VWA2: variants seen among roughly 807,000 people sequenced by gnomAD.
VWA2 encodes von Willebrand factor A domain-containing protein 2.
VWA2 carries 73 observed loss-of-function variants against 70.4 expected under a neutral mutation model. The ratio of observed to expected loss-of-function variants is 1.04; its 90% CI spans 0.86 to 1.26. The LOEUF is 1.26. VWA2 is among the 50% of genes most tolerant of loss of function. The pLI, the probability that VWA2 is intolerant of heterozygous loss-of-function variation, is 0.00. For synonymous variants in VWA2, 407 were observed against 423.3 expected (o/e 0.96, Z 0.47); for missense variants, 1,011 against 998.5 (o/e 1.01, Z -0.17).
chr10:114,275,050 C>G (rs1189797898), intron 6 of VWA2, among the ~76,000 whole-genome samples: 5 of 152,134 alleles, frequency 3.3e-5, no homozygotes, highest in African/African-American at 9.6e-5. Flanking sequence ...GAATCTGGAG[C>G]ATGGAGGAGG....
At chr10:114,279,079 C>T (rs1406245518) in intron 8 of VWA2, among the ~76,000 whole-genome samples, 1 of 152,156 alleles carries the variant, frequency 6.6e-6, no homozygotes, top group Non-Finnish European at 1.5e-5. Context: ...GCACTGGTGG[C>T]AGGGTCACAG....
intron 1 of VWA2, chr10:114,246,537 G>T: frequency 2.4e-6 from 2 of 819,152 alleles, no homozygotes; most frequent in Admixed American, 2.4e-5. Flanking sequence ...GAGTATCATG[G>T]GTTGAATTCA....
intron 5 of VWA2, among the ~76,000 whole-genome samples, chr10:114,266,491 G>A (rs915830869): frequency 1.3e-5 from 2 of 152,154 alleles, no homozygotes; most frequent in Admixed American, 1.3e-4. Flanking sequence ...CAGGACACTT[G>A]CCTTTCCAGA....
chr10:114,256,766 CG>C (rs1221184459), intron 4 of VWA2, among the ~76,000 whole-genome samples: 2 of 151,728 alleles, frequency 1.3e-5, no homozygotes, highest in Non-Finnish European at 1.5e-5. Context: ...AAAAATTAGC[CG>C]GGCATGGTGG....
rs768024904 is a variant in VWA2 at position 114,286,076 on chromosome 10, C to T, written c.1135C>T (p.Arg379Trp). ...GCGGGCCGTGCTGAGCGAGGACTCT[C>T]GGGCCCGAGTGGGTGTGGCCACATA... ...FVRAVLSEDS[R>W]ARVGVATYSR... Residue 379 changes from arginine (R) to tryptophan (W), a missense_variant, in exon 11 of 14, where the codon CGG (arginine) becomes TGG (tryptophan). Physicochemically the swap from Arg to Trp is moderately radical, Grantham distance 101. Coordinates refer to ENST00000392982, the MANE Select transcript of VWA2 (RefSeq NM_001272046.2). The T allele has an allele frequency of 1.2e-5, 19 of 1,614,138 alleles. No individual in the cohort carries two copies. The highest frequency in any genetic ancestry group is 2.2e-5 in the South Asian group (2 of 91,082).
At chr10:114,242,626 G>A (rs1183030037) in intron 1 of VWA2, among the ~76,000 whole-genome samples, 1 of 152,140 alleles carries the variant, frequency 6.6e-6, no homozygotes, top group African/African-American at 2.4e-5. Context: ...GTGTACCAGT[G>A]CATCTGTGTA....
Position 114,278,194 on chromosome 10 carries a change from T to C in VWA2, c.700+147T>C, listed in dbSNP as rs537698845. On this transcript the variant is annotated intron_variant, in intron 7 of 13. Transcript: ENST00000392982. ...CCGGCAGCCTCCACCCTGGATGCTCTGCGTCTCCCTGTGCCCTGCCCTGTG... is the reference window on the plus strand; with the variant it reads ...CCGGCAGCCTCCACCCTGGATGCTCCGCGTCTCCCTGTGCCCTGCCCTGTG... 5.1e-6 allele frequency: 6 copies of C among 1,177,592 alleles called. No homozygotes were observed. The East Asian group carries it at 1.3e-4, about 25-fold the overall frequency. The allele number at this position is 1,177,592 out of a possible 1,614,324, so 72.9% of individuals were successfully genotyped here. A position where few individuals can be genotyped will look rare whatever the true frequency, so the allele number is the denominator to read the frequency against.
At chr10:114,259,376 TGAG>T (rs1167301097) in intron 4 of VWA2, among the ~76,000 whole-genome samples, 1 of 152,152 alleles carries the variant, frequency 6.6e-6, no homozygotes, top group Non-Finnish European at 1.5e-5. Context: ...TTTTATATAT[TGAG>T]GAGGCTAACC....
chr10:114,285,665 G>C (rs1352675512), intron 10 of VWA2, among the ~76,000 whole-genome samples: 1 of 152,214 alleles, frequency 6.6e-6, no homozygotes, highest in Non-Finnish European at 1.5e-5. Context: ...AGATTTCTCA[G>C]GACACACACA....
chr10:114,268,815 C>T (rs1311458890), intron 5 of VWA2, among the ~76,000 whole-genome samples: 2 of 152,064 alleles, frequency 1.3e-5, no homozygotes, highest in Non-Finnish European at 2.9e-5. Context: ...CTGCCTCAGC[C>T]TCCCGAGTAG....
At position 114,285,999 on chromosome 10, in the gene VWA2, G is replaced by C; in HGVS notation, c.1058G>C (p.Gly353Ala). The change falls in exon 11 of 14, where the codon GGC (glycine) becomes GCC (alanine). Residue 353 changes from glycine (G) to alanine (A), a missense_variant. Physicochemically the swap from Gly to Ala is moderately conservative, Grantham distance 60. Transcript: ENST00000392982. ...CTCTTCCTGCTGGACAGCTCTGCGG[G>C]CACCACTCTGGACGGCTTCCTGCGG... ...DLLFLLDSSAGTTLDGFLRAK... is the reference protein window; with the variant it reads ...DLLFLLDSSAATTLDGFLRAK... 6.2e-7 allele frequency: 1 copy of C among 1,613,860 alleles called. No individual in the cohort carries two copies. The highest frequency in any genetic ancestry group is 1.3e-5 in the African/African-American group (1 of 75,070).
At chr10:114,258,386 C>A (rs963295277) in intron 4 of VWA2, among the ~76,000 whole-genome samples, 10 of 152,148 alleles carry the variant, frequency 6.6e-5, no homozygotes, top group Admixed American at 3.9e-4. Flanking sequence ...CACTTAAAAG[C>A]TGAGAGGTTC....
chr10:114,279,119 G>C (rs1432005051), intron 8 of VWA2, among the ~76,000 whole-genome samples: 1 of 152,198 alleles, frequency 6.6e-6, no homozygotes, highest in Non-Finnish European at 1.5e-5. Flanking sequence ...AGTGAGCCAA[G>C]TGCTGGCCCT....
rs759588905 is a variant in VWA2, at chr10:114,249,918, C to T, written c.52+1153C>T. 6.5e-4 allele frequency among the ~76,000 whole-genome samples: 99 copies of T among 152,178 alleles called. 1 individual carries two copies. Among genetic ancestry groups the T allele is most frequent in the Non-Finnish European group, 5.4e-4 (37 of 68,040 alleles). ...CTGAGTCCCCTCTACGCCCTCTGCA[C>T]CACAGCCCACTCTCCTTCCAGTCCT... On this transcript the variant is annotated intron_variant, in intron 2 of 13. Transcript: ENST00000392982.
chr10:114,261,401 G>A (rs1160426709), intron 5 of VWA2, 106 bp downstream of exon 5: 15 of 842,754 alleles, frequency 1.8e-5, no homozygotes, highest in East Asian at 1.5e-4. Flanking sequence ...AGGACTGTGG[G>A]CTGCTTTCAG....
rs912556649 is a variant in VWA2 at position 114,292,488 on chromosome 10, T to A, written c.*1251T>A. Among the ~76,000 whole-genome samples, 1 of 151,820 alleles carries A rather than the reference T, an allele frequency of 6.6e-6. No individual in the cohort carries two copies. Among genetic ancestry groups the A allele is most frequent in the African/African-American group, 2.4e-5 (1 of 41,288 alleles). ...TTGCTTTGCTTTTCTACACAGTTTT[T>A]AAAGAAATATTTCAAGAAATGTTGG... On this transcript the variant is annotated 3_prime_UTR_variant, in exon 14 of 14. Coordinates refer to ENST00000392982, the MANE Select transcript of VWA2 (RefSeq NM_001272046.2).
intron 1 of VWA2, among the ~76,000 whole-genome samples, chr10:114,247,663 CAAAAA>C (rs527665370): frequency 2.1e-5 from 3 of 141,184 alleles, no homozygotes; most frequent in Non-Finnish European, 4.6e-5. Context: ...ATAACTATGT[CAAAAA>C]AAAAAACAAA....
chr10:114,293,258 C>T lies in VWA2; in HGVS notation c.*2021C>T, dbSNP rs527793166. Among the ~76,000 whole-genome samples the T allele has an allele frequency of 6.6e-6, 1 of 152,342 alleles. No individual in the cohort carries two copies. The highest frequency in any genetic ancestry group is 2.1e-4 in the South Asian group (1 of 4,822). ...ACAACGTCCGGGGCAGGATCACATGCTCCCTAGCAGATGCTGATCAGTGAT... is the reference window on the plus strand; with the variant it reads ...ACAACGTCCGGGGCAGGATCACATGTTCCCTAGCAGATGCTGATCAGTGAT... On this transcript the variant is annotated 3_prime_UTR_variant, in exon 14 of 14. Transcript: ENST00000392982.
At chr10:114,283,687 G>T (rs1159370071) in intron 9 of VWA2, among the ~76,000 whole-genome samples, 1 of 152,180 alleles carries the variant, frequency 6.6e-6, no homozygotes, top group African/African-American at 2.4e-5. Flanking sequence ...CCTACCTAAG[G>T]TTGTGACAAT....
Sources: gnomAD v4.1 joint callset for allele counts (sites outside exome capture counted in the v4.1 genomes callset) on GRCh38, gnomAD v4.1.1 for gene constraint, MANE v1.5 for transcripts, NCBI Gene and HGNC (gene_info 2026-07-23, HGNC 2026-07-21) for gene names.